The following DCAF8L2 variants were observed in gnomAD, a reference collection of about 807,000 sequenced individuals.
DCAF8L2 encodes DDB1 and CUL4 associated factor 8 like 2.
For missense variants in DCAF8L2, 430 were observed against 490.7 expected, an observed-to-expected ratio of 0.88 and a Z score of 1.17; for synonymous variants, 200 against 190.9, an observed-to-expected ratio of 1.05 and a Z score of -0.39.
chrX:27,736,625 T>C (rs1442218007), intron 4 of DCAF8L2, among the ~76,000 whole-genome samples: 1 of 112,283 alleles, frequency 8.9e-6, no homozygotes, highest in Non-Finnish European at 1.9e-5. Context: ...GTCTCCAATT[T>C]ATTTCCCACC....
At chrX:27,550,355 T>G in the DCAF8L2 span, among the ~76,000 whole-genome samples, 4 of 111,461 alleles carry the variant, frequency 3.6e-5, no homozygotes, top group African/African-American at 1.3e-4. Context: ...TCAGAGTAGT[T>G]AGCATGTCCA....
the DCAF8L2 span, among the ~76,000 whole-genome samples, chrX:27,564,573 A>G: frequency 9.0e-6 from 1 of 110,676 alleles, no homozygotes; most frequent in Non-Finnish European, 1.9e-5. Flanking sequence ...GTAGGCTTCT[A>G]TGCCACATCA....
chrX:27,555,790 G>A, the DCAF8L2 span, among the ~76,000 whole-genome samples: 17 of 111,486 alleles, frequency 1.5e-4, no homozygotes, highest in South Asian at 6.5e-3. Flanking sequence ...GCATCCAGTG[G>A]TGTTCTACCA....
chrX:27,599,839 A>G (rs1236416876), intron 1 of DCAF8L2, among the ~76,000 whole-genome samples: 1 of 112,214 alleles, frequency 8.9e-6, no homozygotes, highest in Non-Finnish European at 1.9e-5. Flanking sequence ...TGCTACAATG[A>G]AACTATAAAC....
At chrX:27,492,153 C>A in the DCAF8L2 span, among the ~76,000 whole-genome samples, 1 of 112,232 alleles carries the variant, frequency 8.9e-6, no homozygotes, top group East Asian at 2.8e-4. Flanking sequence ...CTAAACAGAG[C>A]TATACAATGT....
At chrX:27,492,054 T>G in the DCAF8L2 span, among the ~76,000 whole-genome samples, 9 of 112,469 alleles carry the variant, frequency 8.0e-5, no homozygotes, top group Non-Finnish European at 1.5e-4. Flanking sequence ...ACCTTGGGCC[T>G]GTTTCCAGGC....
intron 3 of DCAF8L2, among the ~76,000 whole-genome samples, chrX:27,694,962 A>G (rs746894011): frequency 8.9e-6 from 1 of 112,285 alleles, no homozygotes; most frequent in South Asian, 3.7e-4. Flanking sequence ...ACCACCTCAT[A>G]GAGTTGAATT....
At chrX:27,624,708 A>G (rs1302069292) in intron 1 of DCAF8L2, among the ~76,000 whole-genome samples, 1 of 111,408 alleles carries the variant, frequency 9.0e-6, no homozygotes, top group Non-Finnish European at 1.9e-5. Context: ...CTGGACACCT[A>G]CAACCATCTG....
In DCAF8L2 at chrX:27,609,028, G is replaced by C. The variant is rs182503530; in HGVS notation, c.-342+18588G>C. ...AAAAGTTATAATTATGCCTCTATTT[G>C]GTTGTTTATCCGAAGAACAAGTGAT... On this transcript the variant is annotated intron_variant, in intron 1 of 4. Transcript: ENST00000451261. Among the ~76,000 whole-genome samples the C allele has an allele frequency of 4.2e-3, 464 of 111,198 alleles. 2 individuals are homozygous for C. The highest frequency in any genetic ancestry group is 0.014 in the African/African-American group (434 of 30,626).
chrX:27,681,020 T>C (rs1930306766), intron 3 of DCAF8L2, among the ~76,000 whole-genome samples: 1 of 111,558 alleles, frequency 9.0e-6, no homozygotes. Context: ...AGAGGTTCTC[T>C]AGCCAACGAT....
the DCAF8L2 span, chrX:27,517,963 C>T: frequency 8.4e-7 from 1 of 1,195,163 alleles, no homozygotes; most frequent in Non-Finnish European, 1.1e-6. Flanking sequence ...TTTTGGGCTG[C>T]AGTATGTAGA....
At chrX:27,718,919 T>A (rs1437327486) in intron 4 of DCAF8L2, among the ~76,000 whole-genome samples, 1 of 111,652 alleles carries the variant, frequency 9.0e-6, no homozygotes, top group African/African-American at 3.3e-5. Flanking sequence ...TTATTACATA[T>A]GTATGTGTGT....
chrX:27,526,477 C>T, the DCAF8L2 span, among the ~76,000 whole-genome samples: 2 of 112,375 alleles, frequency 1.8e-5, no homozygotes, highest in Admixed American at 9.4e-5. Flanking sequence ...CGAACTTCCT[C>T]CTTTAGCTCG....
At chrX:27,708,976 A>G (rs1435558692) in intron 3 of DCAF8L2, among the ~76,000 whole-genome samples, 1 of 112,098 alleles carries the variant, frequency 8.9e-6, no homozygotes, top group Non-Finnish European at 1.9e-5. Context: ...GAGTAGTGCA[A>G]TGGCGTGATC....
At chrX:27,630,908 CT>C in intron 1 of DCAF8L2, among the ~76,000 whole-genome samples, 1 of 111,539 alleles carries the variant, frequency 9.0e-6, no homozygotes, top group Non-Finnish European at 1.9e-5. Flanking sequence ...TCTGGTGTCT[CT>C]TTTATAAGGG....
At chrX:27,509,098 T>C in the DCAF8L2 span, among the ~76,000 whole-genome samples, 1 of 111,887 alleles carries the variant, frequency 8.9e-6, no homozygotes, top group African/African-American at 3.2e-5. Flanking sequence ...AAGTGGTTTT[T>C]TTCTATCAGA....
At chrX:27,726,103 A>G (rs1932061368) in intron 4 of DCAF8L2, among the ~76,000 whole-genome samples, 1 of 111,417 alleles carries the variant, frequency 9.0e-6, no homozygotes, top group Admixed American at 9.6e-5. Context: ...TAGACCAAAA[A>G]CTGCCACTTA....
chrX:27,730,022 T>C (rs1008187661), intron 4 of DCAF8L2, among the ~76,000 whole-genome samples: 23 of 111,865 alleles, frequency 2.1e-4, no homozygotes, highest in Non-Finnish European at 4.3e-4. Context: ...ATAGGACTGG[T>C]TGTCAAAAAT....
chrX:27,499,842 G>GC, the DCAF8L2 span, among the ~76,000 whole-genome samples: 4,633 of 110,003 alleles, frequency 0.042, 133 homozygotes, highest in African/African-American at 0.11. Flanking sequence ...GTGGTGGGGG[G>GC]GGGTACAGGG....
Sources: gnomAD v4.1 joint callset for allele counts (sites outside exome capture counted in the v4.1 genomes callset) on GRCh38, gnomAD v4.1.1 for gene constraint, MANE v1.5 for transcripts, NCBI Gene and HGNC (gene_info 2026-07-23, HGNC 2026-07-21) for gene names.